Variants in SAMD11 observed in about 807,000 individuals in gnomAD.
The protein encoded by SAMD11 is sterile alpha motif domain-containing protein 11.
In SAMD11, 77 loss-of-function variants were observed where a neutral mutation model predicts 64.4. That is an observed-to-expected ratio of 1.20 (90% CI 0.99 to 1.44). SAMD11 has a LOEUF of 1.44. Among genes scored for constraint, SAMD11 ranks in the 40% most tolerant of loss-of-function variants. The pLI, the probability that SAMD11 is intolerant of heterozygous loss-of-function variation, is 0.00. For synonymous variants in SAMD11, 658 were observed against 421.9 expected, an observed-to-expected ratio of 1.56 and a Z score of -6.86; for missense variants, 1,402 against 943.3, an observed-to-expected ratio of 1.49 and a Z score of -6.37.
At chr1:943,444 G>A (rs2100364402) in intron 12 of SAMD11, 67 bp downstream of exon 12, 1 of 1,369,082 alleles carries the variant, frequency 7.3e-7, no homozygotes, top group South Asian at 1.4e-5. Context: ...TCCCTGGAAA[G>A]GATGGTGGGG....
intron 5 of SAMD11, among the ~76,000 whole-genome samples, chr1:937,778 C>T (rs575924029): frequency 6.6e-6 from 1 of 152,368 alleles, no homozygotes; most frequent in African/African-American, 2.4e-5. Flanking sequence ...CTGACCCTCT[C>T]TCTGGGGCCG....
Position 944,032 on chromosome 1 carries a change from C to G in SAMD11, c.2414C>G (p.Thr805Arg), listed in dbSNP as rs772533863. 1.9e-6 allele frequency: 3 copies of G among 1,612,862 alleles called. No homozygotes were observed. Among genetic ancestry groups the G allele is most frequent in the Non-Finnish European group, 1.7e-6 (2 of 1,179,994 alleles). ...ACAGGAGAGCAGCCCTTGTCCCCCA[C>G]GACGGCCACGTCCCCCTATGGAGGG... ...LGTGEQPLSP[T>R]TATSPYGGGH... Residue 805 changes from threonine to arginine, a missense_variant, in exon 14 of 14, where the codon ACG becomes AGG. Physicochemically the swap from Thr to Arg is moderately conservative, Grantham distance 71. Transcript: ENST00000616016.
Position 943,336 on chromosome 1 carries a change from A to G in SAMD11, c.2137A>G (p.Ser713Gly), listed in dbSNP as rs758673811. 1.1e-5 allele frequency: 17 copies of G among 1,603,228 alleles called. No individual in the cohort carries two copies. Among genetic ancestry groups the G allele is most frequent in the Non-Finnish European group, 1.4e-5 (17 of 1,174,386 alleles). The change falls in exon 12 of 14, where the codon AGC becomes GGC. Residue 713 changes from serine to glycine, a missense_variant. By Grantham distance (56) the Ser-to-Gly change is moderately conservative. Transcript: ENST00000616016. ...CAAGTGGACCGTGGATGACGTCTGC[A>G]GCTTCGTGGGGGGCCTGTCTGGCTG... ...VTKWTVDDVC[S>G]FVGGLSGCGE...
At position 943,388 on chromosome 1, in the gene SAMD11, G is replaced by C. The variant is rs767505391; in HGVS notation, c.2178+11G>C. Reference sequence around the variant, plus strand: ...GGAGAGTACACTCGGGTAAGGGGGGGCCCCAGTTCCTGGGGCGGGGCTGGA... The same window carrying C: ...GGAGAGTACACTCGGGTAAGGGGGGCCCCCAGTTCCTGGGGCGGGGCTGGA... On this transcript the variant is annotated intron_variant, in intron 12 of 13. Transcript: ENST00000616016. The C allele has an allele frequency of 2.0e-6, 3 of 1,525,178 alleles. No homozygotes were observed. The highest frequency in any genetic ancestry group is 2.8e-5 in the African/African-American group (2 of 71,912). 94.5% of individuals were successfully genotyped at this position (1,525,178 alleles called of 1,614,324 possible).
intron 5 of SAMD11, among the ~76,000 whole-genome samples, chr1:938,118 G>A (rs1008955505): frequency 3.3e-5 from 5 of 152,046 alleles, no homozygotes; most frequent in Non-Finnish European, 7.4e-5. Context: ...GGAGTCAGGG[G>A]CTTCGGAGGA....
chr1:942,466 C>T lies in SAMD11; in HGVS notation c.1531C>T (p.Leu511=), dbSNP rs1569915000. 3 of 1,487,858 alleles carry T rather than the reference C, an allele frequency of 2.0e-6. No individual in the cohort carries two copies. Among genetic ancestry groups the T allele is most frequent in the Non-Finnish European group, 2.7e-6 (3 of 1,125,482 alleles). The allele number at this position is 1,487,858 out of a possible 1,614,324, so 92.2% of individuals were successfully genotyped here. A position where few individuals can be genotyped will look rare whatever the true frequency, so the allele number is the denominator to read the frequency against. ...AEMFAWQQEL[L]RKQNLARLEL... ...GATGTTCGCCTGGCAGCAGGAGCTC[C>T]TGCGGAAGCAGAACCTGGCCCGGTA... The change falls in exon 10 of 14, where the codon CTG becomes TTG. Residue 511 remains leucine, a synonymous_variant. Transcript: ENST00000616016.
intron 1 of SAMD11, 148 bp from the exon 2 acceptor site, chr1:925,774 G>C: frequency 1.6e-6 from 1 of 633,636 alleles, no homozygotes; most frequent in Non-Finnish European, 2.9e-6. Flanking sequence ...GGGTGGGACG[G>C]GAAGCGGGCT....
Position 925,946 on chromosome 1 carries a change from C to G in SAMD11, c.542C>G (p.Ser181Cys), listed in dbSNP as rs761145583. Residue 181 changes from serine (S) to cysteine (C), a missense_variant, in exon 2 of 14, where the codon TCC (serine) becomes TGC (cysteine). By Grantham distance (112) the Ser-to-Cys change is moderately radical. Coordinates refer to ENST00000616016, the MANE Select transcript of SAMD11 (RefSeq NM_001385641.1). ...HKGKSLKTLM[S>C]KGILQVHPPI... Reference sequence around the variant, plus strand: ...GGGAAAAGTCTGAAGACGCTTATGTCCAAGGGGATCCTGCAGGTGCATCCT... The same window carrying G: ...GGGAAAAGTCTGAAGACGCTTATGTGCAAGGGGATCCTGCAGGTGCATCCT... The G allele has an allele frequency of 3.1e-6, 5 of 1,611,876 alleles. No individual in the cohort carries two copies. The East Asian group carries it at 6.7e-5, about 22-fold the overall frequency.
rs990506215 is a variant in SAMD11 at position 942,795 on chromosome 1, AG to A, written c.1796del (p.Gly599ValfsTer15). On this transcript the variant is annotated frameshift_variant, in exon 11 of 14. Transcript: ENST00000616016. LOFTEE classifies it high-confidence loss of function. Reference sequence around the variant, plus strand: ...GACTCTGCCCGGCGAGCCCCCCGGAAGGGGGGTCCCGGCCCTGCCTCAGCGC... The same window carrying A: ...GACTCTGCCCGGCGAGCCCCCCGGAAGGGGGTCCCGGCCCTGCCTCAGCGC... ...SRDSARRAPR[K>X]GGPGPASARP... 1.3e-6 allele frequency: 2 copies of A among 1,542,364 alleles called. No individual in the cohort carries two copies. Among genetic ancestry groups the A allele is most frequent in the Non-Finnish European group, 8.7e-7 (1 of 1,144,310 alleles).
Position 943,928 on chromosome 1 carries a change from A to T in SAMD11, c.2310A>T (p.Arg770=), listed in dbSNP as rs1204886218. ...TGCAGGTGGCCAGGCGCCTGGGCCG[A>T]GTTTTCTACGTGGCCAGCTTCCCCG... ...IRAQVARRLG[R]VFYVASFPVA... Residue 770 remains arginine, a synonymous_variant, in exon 14 of 14, where the codon CGA becomes CGT. Coordinates refer to ENST00000616016, the MANE Select transcript of SAMD11 (RefSeq NM_001385641.1). 14 of 1,612,614 alleles carry T rather than the reference A, an allele frequency of 8.7e-6. No homozygotes were observed. The highest frequency in any genetic ancestry group is 1.2e-5 in the Non-Finnish European group (14 of 1,179,796).
At position 939,259 on chromosome 1, in the gene SAMD11, G is replaced by A. The variant is rs747077925; in HGVS notation, c.1058-16G>A. On this transcript the variant is annotated splice_polypyrimidine_tract_variant and intron_variant, in intron 6 of 13. Coordinates refer to ENST00000616016, the MANE Select transcript of SAMD11 (RefSeq NM_001385641.1). Reference sequence around the variant, plus strand: ...AGTGCCTGGAGAAACCTCTCACCCCGGGTCCTCCCCAGCAGAGGCGCTGCT... The same window carrying A: ...AGTGCCTGGAGAAACCTCTCACCCCAGGTCCTCCCCAGCAGAGGCGCTGCT... The A allele has an allele frequency of 1.5e-5, 23 of 1,581,366 alleles. No individual in the cohort carries two copies. Among genetic ancestry groups the A allele is most frequent in the South Asian group, 1.0e-4 (9 of 86,948 alleles).
At chr1:930,085 C>T in intron 2 of SAMD11, 70 bp from the exon 3 acceptor site, 3 of 1,487,974 alleles carry the variant, frequency 2.0e-6, no homozygotes, top group Middle Eastern at 2.4e-4. Context: ...CGGTCCAGCC[C>T]CACCTTCCTC....
intron 7 of SAMD11, 23 bp downstream of exon 7, chr1:939,435 T>A: frequency 7.0e-7 from 1 of 1,438,374 alleles, no homozygotes. Context: ...CCTGGCATGA[T>A]CCCCCTCATC....
chr1:925,577 G>A (rs28729864), intron 1 of SAMD11, among the ~76,000 whole-genome samples: 3,376 of 152,242 alleles, frequency 0.022, 130 homozygotes, highest in African/African-American at 0.076. Context: ...CGAGGGTCCC[G>A]ACGGCGCCGC....
chr1:942,298 C>T, intron 9 of SAMD11, 47 bp downstream of exon 9: 1 of 1,032,446 alleles, frequency 9.7e-7, no homozygotes, highest in East Asian at 3.2e-5. Flanking sequence ...TGGAGGCTCG[C>T]GGACCCGGCC....
intron 5 of SAMD11, among the ~76,000 whole-genome samples, chr1:936,306 GGTCCCCGGTCCCGCCTCCT>G (rs1641443430): frequency 7.8e-6 from 1 of 127,648 alleles, no homozygotes; most frequent in African/African-American, 2.9e-5. Context: ...GGACGGAGGG[GGTCCCCGGTCCCGCCTCCT>G]AGGGCTCCTG....
rs965617519 is a variant in SAMD11, at chr1:942,638, C to T, written c.1633C>T (p.Leu545=). The T allele has an allele frequency of 4.9e-6, 7 of 1,439,426 alleles. No individual in the cohort carries two copies. The Admixed American group carries it at 8.5e-5, about 17-fold the overall frequency. 89.2% of individuals were successfully genotyped at this position (1,439,426 alleles called of 1,614,324 possible). ...RPQLLAPETA[L]RPNDGAEELQ... ...ACAGCTGCTGGCGCCCGAGACCGCC[C>T]TGCGCCCCAACGACGGCGCCGAGGA... Residue 545 remains leucine, a synonymous_variant, in exon 11 of 14, where the codon CTG becomes TTG. Coordinates refer to ENST00000616016, the MANE Select transcript of SAMD11 (RefSeq NM_001385641.1).
Position 942,556 on chromosome 1 carries a change from C to T in SAMD11, c.1554-3C>T, listed in dbSNP as rs572670330. On this transcript the variant is annotated splice_polypyrimidine_tract_variant and splice_region_variant and intron_variant, in intron 10 of 13. Transcript: ENST00000616016. ...GGCTGACCCGCGTCTGCCCCCGGCC[C>T]AGGCTGGAGCTGCCCGCCGACCTCC... The T allele has an allele frequency of 4.3e-6, 6 of 1,394,938 alleles. No homozygotes were observed. The highest frequency in any genetic ancestry group is 5.5e-6 in the Non-Finnish European group (6 of 1,084,590). 86.4% of individuals were successfully genotyped at this position (1,394,938 alleles called of 1,614,324 possible).
intron 2 of SAMD11, among the ~76,000 whole-genome samples, chr1:929,202 C>T (rs569391057): frequency 4.5e-4 from 68 of 152,344 alleles, no homozygotes; most frequent in Non-Finnish European, 4.0e-4. Context: ...GCCGCGGGCA[C>T]GTCCGCCGCG....
Sources: allele counts gnomAD v4.1 joint callset (sites outside exome capture counted in the v4.1 genomes callset), GRCh38; gene constraint gnomAD v4.1.1; transcripts MANE v1.5; gene names NCBI Gene and HGNC (gene_info 2026-07-23, HGNC 2026-07-21).